NAV2: variants seen among roughly 807,000 people sequenced by gnomAD.
The protein encoded by NAV2 is helicase, APC down-regulated 1.
NAV2 carries 54 observed loss-of-function variants against 223.2 expected under a neutral mutation model. The ratio of observed to expected loss-of-function variants is 0.24; its 90% CI spans 0.19 to 0.30. The LOEUF (loss-of-function observed/expected upper bound fraction) is 0.30, where lower values mean the gene tolerates loss of function less well. Among genes scored for constraint, NAV2 ranks in the 10% least tolerant of loss-of-function variants. The pLI is 1.00. For missense variants in NAV2, 2,806 were observed against 3,147.5 expected (o/e 0.89, Z 2.60); for synonymous variants, 1,279 against 1,239.3 (o/e 1.03, Z -0.67).
At chr11:19,475,132 C>T (rs1053101336) in intron 1 of NAV2, among the ~76,000 whole-genome samples, 3 of 152,190 alleles carry the variant, frequency 2.0e-5, no homozygotes, top group Admixed American at 6.5e-5. Flanking sequence ...TGGGGAAAGC[C>T]GGAAGGCTAA....
At chr11:19,534,398 C>T (rs2044123534) in intron 1 of NAV2, among the ~76,000 whole-genome samples, 1 of 152,162 alleles carries the variant, frequency 6.6e-6, no homozygotes, top group Admixed American at 6.5e-5. Flanking sequence ...TGTTGAGCAC[C>T]TACTCAACAG....
chr11:20,101,254 G>A, intron 32 of NAV2, 82 bp downstream of exon 32: 1 of 1,102,882 alleles, frequency 9.1e-7, no homozygotes, highest in East Asian at 2.4e-5. Flanking sequence ...AGGGAAAGCA[G>A]CATTTCCTAT....
chr11:19,964,652 C>T (rs1406167461), intron 10 of NAV2, among the ~76,000 whole-genome samples: 1 of 151,868 alleles, frequency 6.6e-6, no homozygotes, highest in Non-Finnish European at 1.5e-5. Flanking sequence ...TGTACCACCA[C>T]ACCCAGCTAA....
chr11:20,090,583 G>A (rs1592096714), intron 26 of NAV2, among the ~76,000 whole-genome samples: 2 of 152,012 alleles, frequency 1.3e-5, no homozygotes, highest in Middle Eastern at 6.8e-3. Context: ...CAAAGAAAAA[G>A]GACAACAAAT....
At chr11:20,042,827 C>T (rs4340028) in intron 12 of NAV2, among the ~76,000 whole-genome samples, 150,876 of 152,260 alleles carry the variant, frequency 0.99, 74,767 homozygotes, top group East Asian at 1. Flanking sequence ...CCCCATTTAC[C>T]GTGCTGCTTC....
At chr11:19,441,236 G>A (rs967704406) in intron 1 of NAV2, among the ~76,000 whole-genome samples, 2 of 152,162 alleles carry the variant, frequency 1.3e-5, no homozygotes, top group African/African-American at 4.8e-5. Context: ...CTAGGAGAAT[G>A]GCTGGAGATG....
intron 1 of NAV2, among the ~76,000 whole-genome samples, chr11:19,617,568 A>AT (rs2046836317): frequency 6.6e-6 from 1 of 152,222 alleles, no homozygotes; most frequent in Non-Finnish European, 1.5e-5. Context: ...ACATTAGCTA[A>AT]TTTCCAGGCA....
chr11:19,936,486 G>A (rs531226261), intron 7 of NAV2, among the ~76,000 whole-genome samples: 2 of 152,320 alleles, frequency 1.3e-5, no homozygotes, highest in South Asian at 4.1e-4. Flanking sequence ...CGTCTATGAT[G>A]TGGATCTGAC....
Position 20,107,746 on chromosome 11 carries a change from C to T in NAV2, c.6924C>T (p.Ile2308=), listed in dbSNP as rs1325768519. ...CCGACTTGTGGAACTATTCCATTATCCCCTATCTCCTGGAAGCCGTCAGAG... is the reference window on the plus strand; with the variant it reads ...CCGACTTGTGGAACTATTCCATTATTCCCTATCTCCTGGAAGCCGTCAGAG... ...WFTDLWNYSI[I]PYLLEAVREG... is the part of the protein sequence containing the mutation. Residue 2308 remains isoleucine, a synonymous_variant, in exon 36 of 38, where the codon ATC becomes ATT. Transcript: ENST00000349880. 3.7e-6 allele frequency: 6 copies of T among 1,614,020 alleles called. No individual in the cohort carries two copies. Among genetic ancestry groups the T allele is most frequent in the African/African-American group, 1.3e-5 (1 of 74,928 alleles).
intron 11 of NAV2, among the ~76,000 whole-genome samples, chr11:19,990,543 C>T (rs1002108326): frequency 6.6e-6 from 1 of 152,114 alleles, no homozygotes; most frequent in Non-Finnish European, 1.5e-5. Context: ...ATTACCTCCC[C>T]TCTCTACTTG....
chr11:20,106,183 GTATATATA>G (rs1182631250), intron 35 of NAV2, among the ~76,000 whole-genome samples: 285 of 25,518 alleles, frequency 0.011, 33 homozygotes, highest in Middle Eastern at 0.05. Flanking sequence ...ATATGTGTGT[GTATATATA>G]TATATATATA....
intron 1 of NAV2, among the ~76,000 whole-genome samples, chr11:19,785,075 C>T (rs1388177489): frequency 1.3e-5 from 2 of 152,182 alleles, no homozygotes; most frequent in African/African-American, 4.8e-5. Flanking sequence ...ATGTAAGACT[C>T]ACACAGTGTT....
chr11:19,675,817 TG>T (rs1313858262), intron 1 of NAV2, among the ~76,000 whole-genome samples: 5 of 152,234 alleles, frequency 3.3e-5, no homozygotes, highest in Admixed American at 6.5e-5. Context: ...GTACAGCAAT[TG>T]GTAATTCACG....
intron 1 of NAV2, among the ~76,000 whole-genome samples, chr11:19,596,217 T>G (rs762755552): frequency 1.3e-5 from 2 of 152,186 alleles, no homozygotes; most frequent in Non-Finnish European, 2.9e-5. Context: ...CTGGTTTCCT[T>G]GTGTGCCCTT....
chr11:19,683,634 G>C (rs1160580438), intron 1 of NAV2, among the ~76,000 whole-genome samples: 1 of 152,240 alleles, frequency 6.6e-6, no homozygotes, highest in African/African-American at 2.4e-5. Context: ...CCCACTGCCT[G>C]CCTCAGTAGA....
At chr11:19,951,694 C>G (rs6483623) in intron 10 of NAV2, among the ~76,000 whole-genome samples, 138,849 of 152,258 alleles carry the variant, frequency 0.91, 63,399 homozygotes, top group East Asian at 0.98. Context: ...ACACTCTAAC[C>G]TGAATCTTAG....
intron 19 of NAV2, 73 bp downstream of exon 19, chr11:20,056,030 T>C: frequency 2.1e-6 from 3 of 1,416,738 alleles, no homozygotes; most frequent in Non-Finnish European, 2.9e-6. Flanking sequence ...TTAAGGGTCC[T>C]CTATGCTAAG....
chr11:19,813,260 C>T (rs2058932307), intron 1 of NAV2, among the ~76,000 whole-genome samples: 1 of 152,022 alleles, frequency 6.6e-6, no homozygotes, highest in Admixed American at 6.6e-5. Flanking sequence ...TTGTCAAAAC[C>T]CCACTGGAGG....
intron 1 of NAV2, among the ~76,000 whole-genome samples, chr11:19,385,999 C>T (rs531294556): frequency 3.5e-4 from 54 of 152,306 alleles, no homozygotes; most frequent in African/African-American, 1.2e-3. Flanking sequence ...CTCCTGACCT[C>T]ATGATCCACC....
Sources: allele counts gnomAD v4.1 joint callset (sites outside exome capture counted in the v4.1 genomes callset), GRCh38; gene constraint gnomAD v4.1.1; transcripts MANE v1.5; gene names NCBI Gene and HGNC (gene_info 2026-07-23, HGNC 2026-07-21).